Variants in PTGR1 observed in about 807,000 individuals in gnomAD.
The protein encoded by PTGR1 is prostaglandin reductase 1.
In PTGR1, 23 loss-of-function variants were observed where a neutral mutation model predicts 37.7. The observed-to-expected ratio is 0.61, with a 90% CI of 0.44 to 0.86. PTGR1 has a LOEUF of 0.86. Among genes scored for constraint, PTGR1 ranks in the 40% least tolerant of loss-of-function variants. The probability of loss-of-function intolerance (pLI) is 0.00; values close to 1 mark genes in which losing one functional copy is unlikely to be tolerated. For missense variants in PTGR1, 351 were observed against 394.3 expected, an observed-to-expected ratio of 0.89 and a Z score of 0.93; for synonymous variants, 134 against 140.0, an observed-to-expected ratio of 0.96 and a Z score of 0.30.
chr9:111,599,019 G>A (rs1829863067), intron 1 of PTGR1, among the ~76,000 whole-genome samples: 1 of 151,986 alleles, frequency 6.6e-6, no homozygotes, highest in East Asian at 1.9e-4. Flanking sequence ...AACTTCTTTA[G>A]AGTTCACACA....
At chr9:111,580,197 T>C (rs1327395827) in intron 6 of PTGR1, among the ~76,000 whole-genome samples, 1 of 152,224 alleles carries the variant, frequency 6.6e-6, no homozygotes, top group Non-Finnish European at 1.5e-5. Flanking sequence ...TTTTTTCTCC[T>C]GAGTTCCAAA....
chr9:111,570,695 C>T (rs144977051), intron 8 of PTGR1, among the ~76,000 whole-genome samples: 2,874 of 152,094 alleles, frequency 0.019, 46 homozygotes, highest in Middle Eastern at 0.078. Context: ...AGGAGAATTG[C>T]TTGAACCCGA....
intron 9 of PTGR1, 177 bp downstream of exon 9, chr9:111,569,914 G>A: frequency 5.7e-6 from 6 of 1,047,392 alleles, no homozygotes; most frequent in Non-Finnish European, 6.8e-6. Flanking sequence ...GGGTTGTTTT[G>A]TTTTCCTTTC....
chr9:111,549,777 T>A (rs1232166201), exon 10 of PTGR1: 2 of 1,548,212 alleles, frequency 1.3e-6, no homozygotes, highest in Admixed American at 3.9e-5. Context: ...GAAGCTTCAA[T>A]CTTCTTCATT....
intron 8 of PTGR1, chr9:111,574,406 G>A (rs555480020): frequency 8.4e-4 from 135 of 161,524 alleles, no homozygotes; most frequent in South Asian, 6.7e-3. Context: ...CTGGAGTGCA[G>A]TGGCAGGAAC....
At chr9:111,556,903 G>A (rs1278879328) in intron 9 of PTGR1, among the ~76,000 whole-genome samples, 1 of 152,186 alleles carries the variant, frequency 6.6e-6, no homozygotes, top group East Asian at 1.9e-4. Flanking sequence ...ACCTTCACCT[G>A]TGATAGCCGT....
intron 2 of PTGR1, among the ~76,000 whole-genome samples, chr9:111,596,549 G>A (rs1476450751): frequency 6.7e-6 from 1 of 150,156 alleles, no homozygotes; most frequent in Non-Finnish European, 1.5e-5. Flanking sequence ...TCAGGAGTTC[G>A]AGACCAGCCT....
chr9:111,563,847 T>C (rs561019804), intron 9 of PTGR1: 1 of 152,486 alleles, frequency 6.6e-6, no homozygotes, highest in African/African-American at 2.4e-5. Context: ...TAAAGTTTAA[T>C]AACACAATGA....
intron 4 of PTGR1, among the ~76,000 whole-genome samples, chr9:111,588,670 C>T (rs1564621276): frequency 6.6e-6 from 1 of 152,042 alleles, no homozygotes; most frequent in Admixed American, 6.6e-5. Flanking sequence ...GGATTACAGG[C>T]GCCCACCACC....
downstream of PTGR1, among the ~76,000 whole-genome samples, chr9:111,558,531 G>A (rs546083228): frequency 6.6e-6 from 1 of 152,216 alleles, no homozygotes; most frequent in South Asian, 2.1e-4. Context: ...AACTGAAAAT[G>A]TTGCAAGCTC....
At chr9:111,553,284 C>T (rs1828025196) in intron 9 of PTGR1, among the ~76,000 whole-genome samples, 1 of 152,188 alleles carries the variant, frequency 6.6e-6, no homozygotes, top group South Asian at 2.1e-4. Context: ...CTCTAGTCTT[C>T]TTGACTATGC....
At chr9:111,561,754 ATTTC>A (rs1357144705), downstream of PTGR1, among the ~76,000 whole-genome samples, 11 of 151,502 alleles carry the variant, frequency 7.3e-5, no homozygotes, top group Admixed American at 1.3e-4. Flanking sequence ...TGCAGTGATT[ATTTC>A]TTCTGGCATA....
intron 9 of PTGR1, chr9:111,549,937 C>T (rs569543463): frequency 5.1e-6 from 3 of 586,926 alleles, no homozygotes; most frequent in Non-Finnish European, 5.9e-6. Flanking sequence ...ATGGTCAATA[C>T]TTGTTTCTTT....
intron 9 of PTGR1, among the ~76,000 whole-genome samples, chr9:111,565,072 G>A (rs567371484): frequency 7.7e-4 from 117 of 152,096 alleles, no homozygotes; most frequent in African/African-American, 2.6e-3. Context: ...TGCAGTGAAC[G>A]GAGATCGCAC....
downstream of PTGR1, among the ~76,000 whole-genome samples, chr9:111,558,690 TTATA>T (rs146026726): frequency 3.3e-5 from 5 of 152,016 alleles, no homozygotes; most frequent in African/African-American, 1.2e-4. Context: ...GTGGGCAGAG[TTATA>T]TATATATGTG....
chr9:111,589,066 T>C (rs1386426296), intron 4 of PTGR1, among the ~76,000 whole-genome samples: 1 of 152,226 alleles, frequency 6.6e-6, no homozygotes, highest in East Asian at 1.9e-4. Context: ...TTCTAGAAGG[T>C]TGTGCCAACT....
At chr9:111,569,355 T>G (rs1168420157) in intron 9 of PTGR1, among the ~76,000 whole-genome samples, 1 of 151,598 alleles carries the variant, frequency 6.6e-6, no homozygotes, top group Non-Finnish European at 1.5e-5. Context: ...AAACCAAGAG[T>G]TAAGGGAAGC....
chr9:111,569,993 G>T, intron 9 of PTGR1, 98 bp downstream of exon 9: 1 of 1,561,408 alleles, frequency 6.4e-7, no homozygotes, highest in South Asian at 1.2e-5. Context: ...CTGACGATGC[G>T]GCAGAGATGG....
chr9:111,584,627 A>G (rs1463558942), intron 5 of PTGR1, among the ~76,000 whole-genome samples: 2 of 152,158 alleles, frequency 1.3e-5, no homozygotes, highest in East Asian at 3.8e-4. Context: ...AAAAAAGGAA[A>G]GGGAAGGAAG....
Sources: allele counts gnomAD v4.1 joint callset (sites outside exome capture counted in the v4.1 genomes callset), GRCh38; gene constraint gnomAD v4.1.1; transcripts MANE v1.5; gene names NCBI Gene and HGNC (gene_info 2026-07-23, HGNC 2026-07-21).